TCF20: variants seen among roughly 807,000 people sequenced by gnomAD.
TCF20 encodes transcription factor 20.
In TCF20, 3 loss-of-function variants were observed where a neutral mutation model predicts 148.6. The observed-to-expected ratio is 0.02, with a 90% CI of 0.01 to 0.05. The LOEUF (loss-of-function observed/expected upper bound fraction) is 0.05, where lower values mean the gene tolerates loss of function less well. Among genes scored for constraint, TCF20 ranks in the 10% least tolerant of loss-of-function variants. TCF20 has a pLI of 1.00. For missense variants in TCF20, 2,350 were observed against 2,429.3 expected (o/e 0.97, Z 0.69); for synonymous variants, 1,049 against 909.5 (o/e 1.15, Z -2.76).
chr22:42,300,505 GGGGGCACTGAGGCCCA>G (rs1190520976), intron 1 of TCF20, among the ~76,000 whole-genome samples: 1 of 152,176 alleles, frequency 6.6e-6, no homozygotes, highest in African/African-American at 2.4e-5. Context: ...TTGTTTCCCA[GGGGGCACTGAGGCCCA>G]GGAAGGGAAA....
chr22:42,175,169 G>C (rs972475975), intron 3 of TCF20, among the ~76,000 whole-genome samples: 2 of 152,110 alleles, frequency 1.3e-5, no homozygotes, highest in African/African-American at 4.8e-5. Context: ...ATGAAAATGA[G>C]AAAAGGCAAC....
At position 42,230,329 on chromosome 22, in the gene TCF20, G is replaced by A. The variant is rs59476278; in HGVS notation, c.-36-14988C>T. Among the ~76,000 whole-genome samples the A allele has an allele frequency of 1.6e-4, 24 of 152,248 alleles. No homozygotes were observed. The East Asian group carries it at 3.5e-3, about 22-fold the overall frequency. Reference sequence around the variant, plus strand: ...GCAACATATTACCTCCTTGTTTATGGTCATGCAAGTGTAAACCTAATATAC... The same window carrying A: ...GCAACATATTACCTCCTTGTTTATGATCATGCAAGTGTAAACCTAATATAC... On this transcript the variant is annotated intron_variant, in intron 1 of 5. Coordinates refer to ENST00000677622, the MANE Select transcript of TCF20 (RefSeq NM_001378418.1).
intron 1 of TCF20, among the ~76,000 whole-genome samples, chr22:42,343,264 C>A (rs1928199636): frequency 6.6e-6 from 1 of 152,136 alleles, no homozygotes; most frequent in Admixed American, 6.5e-5. Flanking sequence ...GACAAACACC[C>A]CCTACTTCAG....
rs537129962 is a variant in TCF20 at position 42,290,016 on chromosome 22, G to A, written c.-37+53463C>T. Among the ~76,000 whole-genome samples the A allele has an allele frequency of 5.1e-4, 77 of 152,250 alleles. No homozygotes were observed. The highest frequency in any genetic ancestry group is 9.4e-4 in the Non-Finnish European group (64 of 68,040). On this transcript the variant is annotated intron_variant, in intron 1 of 1. Transcript: ENST00000515426. The surrounding 1 kb of genome is among the most constrained non-coding windows in gnomAD (Gnocchi z 4.2). ...CTCCTCGGCGTGTGCAGGCGGCCGG[G>A]GCGATGTTCCAGGAATATTAATTCT...
chr22:42,206,220 G>A (rs905000500), intron 2 of TCF20, among the ~76,000 whole-genome samples: 3 of 152,070 alleles, frequency 2.0e-5, no homozygotes, highest in East Asian at 1.9e-4. Context: ...TTGAAATAAC[G>A]AAAACACTGT....
In TCF20 at chr22:42,335,874, C is replaced by A. The variant is rs919922055; in HGVS notation, c.-37+7605G>T. Among the ~76,000 whole-genome samples, 12 of 152,298 alleles carry A rather than the reference C, an allele frequency of 7.9e-5. No individual in the cohort carries two copies. In the South Asian group the frequency reaches 8.3e-4, roughly 11 times the overall value. On this transcript the variant is annotated intron_variant, in intron 1 of 1. Transcript: ENST00000515426. The stretch of plus-strand genomic sequence containing the variant: ...CAGCCCTGCCCAAACCAGCAACGAG[C>A]CTGGCCCCTAGCCCAACTTTACCCC...
intron 2 of TCF20, among the ~76,000 whole-genome samples, chr22:42,201,150 C>T (rs1281895459): frequency 6.6e-6 from 1 of 152,216 alleles, no homozygotes; most frequent in Non-Finnish European, 1.5e-5. Context: ...TCCCCCTCTA[C>T]CTCCCTCCAT....
chr22:42,304,887 A>C (rs949655497), intron 1 of TCF20, among the ~76,000 whole-genome samples: 2 of 152,068 alleles, frequency 1.3e-5, no homozygotes, highest in African/African-American at 4.8e-5. Context: ...TTCCAGGCTG[A>C]AGACTGGAGT....
At chr22:42,194,505 G>C (rs919079620) in intron 2 of TCF20, among the ~76,000 whole-genome samples, 1 of 151,912 alleles carries the variant, frequency 6.6e-6, no homozygotes, top group Non-Finnish European at 1.5e-5. Context: ...GCTTATCCCT[G>C]TCCTGATGTA....
chr22:42,342,339 G>C (rs1267694879), intron 1 of TCF20, among the ~76,000 whole-genome samples: 1 of 152,164 alleles, frequency 6.6e-6, no homozygotes, highest in Non-Finnish European at 1.5e-5. Context: ...CACAGGCCTG[G>C]AGTCTCCAGG....
chr22:42,283,907 G>A (rs1196948367), exon 1 of TCF20, among the ~76,000 whole-genome samples: 1 of 152,236 alleles, frequency 6.6e-6, no homozygotes, highest in Non-Finnish European at 1.5e-5. Context: ...AACAACTCCT[G>A]AGCCGAGGCG....
intron 1 of TCF20, among the ~76,000 whole-genome samples, chr22:42,340,355 C>G (rs147743857): frequency 1.7e-4 from 26 of 152,284 alleles, no homozygotes; most frequent in Non-Finnish European, 2.9e-4. Flanking sequence ...TGGAACAAAC[C>G]AATGTCACCC....
intron 1 of TCF20, among the ~76,000 whole-genome samples, chr22:42,332,612 TC>T (rs1280869558): frequency 2.0e-5 from 3 of 152,162 alleles, no homozygotes; most frequent in Non-Finnish European, 4.4e-5. Context: ...CAAGCAATTC[TC>T]CTGCCTCAGC....
chr22:42,315,271 A>G (rs1927608457), intron 1 of TCF20, among the ~76,000 whole-genome samples: 1 of 152,140 alleles, frequency 6.6e-6, no homozygotes. Flanking sequence ...TGGGAGCCCC[A>G]GGGTGCTCAC....
chr22:42,217,410 A>G (rs1328105628), intron 1 of TCF20, among the ~76,000 whole-genome samples: 1 of 152,142 alleles, frequency 6.6e-6, no homozygotes, highest in African/African-American at 2.4e-5. Context: ...CCCTGGCTGT[A>G]ACTCCCTCCC....
intron 1 of TCF20, 126 bp from the exon 2 acceptor site, chr22:42,215,467 A>ATTT (rs371005582): frequency 9.9e-6 from 10 of 1,012,248 alleles, no homozygotes; most frequent in Non-Finnish European, 9.2e-6. Context: ...TTGAATTTCT[A>ATTT]TTTTTTTTTT....
chr22:42,162,796 G>A (rs1408434846), intron 5 of TCF20, among the ~76,000 whole-genome samples: 7 of 152,298 alleles, frequency 4.6e-5, no homozygotes, highest in African/African-American at 9.6e-5. Context: ...CTGCTAAGGC[G>A]GCTGGGGCCT....
chr22:42,324,073 G>GTGGTGGTGGTGGTGGTGATGGTGGTTA lies in TCF20; in HGVS notation c.-37+19405_-37+19406insTAACCACCATCACCACCACCACCACCA, dbSNP rs1159257185. On this transcript the variant is annotated intron_variant, in intron 1 of 1. Coordinates refer to the TCF20 transcript ENST00000515426. ...GGTGGTGGTGGTGATGGAGGTTATG[G>GTGGTGGTGGTGGTGGTGATGGTGGTTA]TGGTGGTGGTGGTGGTGATGGAGGT... Among the ~76,000 whole-genome samples, 4 of 91,396 alleles carry GTGGTGGTGGTGGTGGTGATGGTGGTTA rather than the reference G, an allele frequency of 4.4e-5. 1 individual carries two copies. The highest frequency in any genetic ancestry group is 8.4e-4 in the East Asian group (2 of 2,394). The allele number at this position is 91,396 out of a possible 152,430, so 60.0% of individuals were successfully genotyped here.
intron 1 of TCF20, among the ~76,000 whole-genome samples, chr22:42,224,294 AC>A (rs1569163250): frequency 6.6e-6 from 1 of 152,140 alleles, no homozygotes; most frequent in East Asian, 1.9e-4. Flanking sequence ...ACACAGTGAA[AC>A]CCCGTCTCTA....
Sources: allele counts gnomAD v4.1 joint callset (sites outside exome capture counted in the v4.1 genomes callset), GRCh38; gene constraint gnomAD v4.1.1; non-coding constraint Gnocchi (gnomAD v3.1); transcripts MANE v1.5; gene names NCBI Gene and HGNC (gene_info 2026-07-23, HGNC 2026-07-21).